The following CTNNA3 variants were observed in gnomAD, a reference collection of about 807,000 sequenced individuals.
CTNNA3 encodes catenin alpha-3.
In CTNNA3, 76 loss-of-function variants were observed where a neutral mutation model predicts 95.7. That is an observed-to-expected ratio of 0.79 (90% confidence interval 0.66 to 0.96). The LOEUF (loss-of-function observed/expected upper bound fraction) is 0.96. CTNNA3 is among the 40% of genes least tolerant of loss of function. CTNNA3 has a pLI of 0.00. For synonymous variants in CTNNA3, 431 were observed against 374.4 expected (o/e 1.15, Z -1.74); for missense variants, 1,191 against 1,089.8 (o/e 1.09, Z -1.31).
At chr10:67,473,043 T>C (rs988774677) in intron 5 of CTNNA3, among the ~76,000 whole-genome samples, 1 of 152,228 alleles carries the variant, frequency 6.6e-6, no homozygotes, top group Non-Finnish European at 1.5e-5. Flanking sequence ...CCTAGTTTCA[T>C]GAATACTTGA....
At chr10:66,771,716 G>A (rs1840093274) in intron 8 of CTNNA3, among the ~76,000 whole-genome samples, 1 of 151,986 alleles carries the variant, frequency 6.6e-6, no homozygotes, top group Admixed American at 6.6e-5. Context: ...TATTGTTTTA[G>A]GAATAAAAAT....
At chr10:67,479,043 C>G (rs2133047110) in intron 5 of CTNNA3, among the ~76,000 whole-genome samples, 1 of 152,178 alleles carries the variant, frequency 6.6e-6, no homozygotes, top group East Asian at 1.9e-4. Context: ...AGGTTTGATT[C>G]AACAAGACTT....
intron 5 of CTNNA3, among the ~76,000 whole-genome samples, chr10:67,471,278 G>C (rs1847812328): frequency 6.6e-6 from 1 of 152,202 alleles, no homozygotes; most frequent in Non-Finnish European, 1.5e-5. Context: ...TGTGTCTAAA[G>C]ATTGCCAAAT....
At chr10:66,452,020 A>G (rs1306582101) in intron 11 of CTNNA3, among the ~76,000 whole-genome samples, 1 of 152,046 alleles carries the variant, frequency 6.6e-6, no homozygotes, top group Non-Finnish European at 1.5e-5. Flanking sequence ...CCTATTTCTG[A>G]ATGGTTCCCT....
At chr10:66,757,326 C>G (rs1241277325) in intron 9 of CTNNA3, among the ~76,000 whole-genome samples, 3 of 152,016 alleles carry the variant, frequency 2.0e-5, no homozygotes, top group Non-Finnish European at 4.4e-5. Context: ...ACAAAATGCC[C>G]TTCGAGTCTA....
In CTNNA3 at chr10:67,249,374, A is replaced by C. The variant is rs114542462; in HGVS notation, c.580-29504T>G. ...TGGAAACCAAAATCTATGATCTTCA[A>C]GTTCTTAACATAAAATGGCATAATA... On this transcript the variant is annotated intron_variant, in intron 5 of 17. Coordinates refer to ENST00000433211, the MANE Select transcript of CTNNA3 (RefSeq NM_013266.4). Among the ~76,000 whole-genome samples the C allele has an allele frequency of 4.8e-3, 726 of 152,286 alleles. 5 individuals are homozygous for C. Among genetic ancestry groups the C allele is most frequent in the African/African-American group, 0.017 (693 of 41,560 alleles).
At chr10:67,606,655 C>T (rs910930590) in intron 3 of CTNNA3, among the ~76,000 whole-genome samples, 1 of 152,044 alleles carries the variant, frequency 6.6e-6, no homozygotes, top group African/African-American at 2.4e-5. Context: ...GGGGACCGAG[C>T]AACTAAAAAG....
At chr10:67,101,387 T>G (rs895148563) in intron 7 of CTNNA3, among the ~76,000 whole-genome samples, 3 of 151,762 alleles carry the variant, frequency 2.0e-5, no homozygotes, top group Non-Finnish European at 2.9e-5. Context: ...TTTTTTCTTT[T>G]GGCAAGATTT....
chr10:66,667,526 T>A (rs777651653), intron 9 of CTNNA3, among the ~76,000 whole-genome samples: 1 of 152,148 alleles, frequency 6.6e-6, no homozygotes, highest in Non-Finnish European at 1.5e-5. Context: ...TTTCCTTACA[T>A]AAAATCCATA....
intron 5 of CTNNA3, among the ~76,000 whole-genome samples, chr10:67,521,575 G>C (rs549787999): frequency 1.1e-4 from 16 of 152,118 alleles, no homozygotes; most frequent in African/African-American, 3.6e-4. Context: ...TCAAAGGGTA[G>C]TTGGATTTTC....
rs558533552 is a variant in CTNNA3 at position 67,682,492 on chromosome 10, C to T, written c.-6+13508G>A. On this transcript the variant is annotated intron_variant, in intron 1 of 17. Coordinates refer to ENST00000433211, the MANE Select transcript of CTNNA3 (RefSeq NM_013266.4). ...ACAAGATATTATTTTCACCAAGCAGCCAAAATTGAAAATTTTTGATATGGT... is the reference window on the plus strand; with the variant it reads ...ACAAGATATTATTTTCACCAAGCAGTCAAAATTGAAAATTTTTGATATGGT... 1.9e-4 allele frequency among the ~76,000 whole-genome samples: 29 copies of T among 152,100 alleles called. 1 individual carries two copies. In the South Asian group the frequency reaches 5.6e-3, roughly 29 times the overall value.
intron 13 of CTNNA3, among the ~76,000 whole-genome samples, chr10:66,262,128 C>A (rs953221996): frequency 2.6e-5 from 4 of 151,926 alleles, no homozygotes; most frequent in Non-Finnish European, 4.4e-5. Flanking sequence ...AGTCAGGAGA[C>A]CTGAATTCTA....
At chr10:67,711,617 T>C (rs938737450) in intron 1 of CTNNA3, among the ~76,000 whole-genome samples, 22 of 152,008 alleles carry the variant, frequency 1.4e-4, no homozygotes, top group African/African-American at 5.1e-4. Context: ...AGTTTTAGGG[T>C]ACATGTGCAC....
At chr10:66,360,868 CT>C (rs1395951452) in intron 12 of CTNNA3, among the ~76,000 whole-genome samples, 1 of 108,144 alleles carries the variant, frequency 9.2e-6, no homozygotes, top group Non-Finnish European at 1.9e-5. Context: ...CTTTCTCTTT[CT>C]TTTTCTTTCT....
chr10:67,384,440 A>G (rs1013307177), intron 5 of CTNNA3, among the ~76,000 whole-genome samples: 1 of 152,236 alleles, frequency 6.6e-6, no homozygotes, highest in Non-Finnish European at 1.5e-5. Context: ...CACTAAATAT[A>G]TGCATTATCT....
At position 67,562,469 on chromosome 10, in the gene CTNNA3, A is replaced by T. The variant is rs4746689; in HGVS notation, c.293-22800T>A. 5.3e-5 allele frequency among the ~76,000 whole-genome samples: 8 copies of T among 151,456 alleles called. No homozygotes were observed. In the South Asian group the frequency reaches 8.3e-4, roughly 16 times the overall value. ...CATGCTAAAAACTCTCAATAAATTA[A>T]GTATTGATGGGACATATCTCAAAAT... On this transcript the variant is annotated intron_variant, in intron 3 of 17. Transcript: ENST00000433211.
intron 7 of CTNNA3, among the ~76,000 whole-genome samples, chr10:67,118,922 A>G (rs1305425354): frequency 6.6e-6 from 1 of 151,956 alleles, no homozygotes; most frequent in Non-Finnish European, 1.5e-5. Flanking sequence ...TTCCGCTGCC[A>G]TTTATCTTTT....
intron 7 of CTNNA3, among the ~76,000 whole-genome samples, chr10:67,124,482 C>T (rs1264110888): frequency 6.6e-6 from 1 of 151,964 alleles, no homozygotes; most frequent in Non-Finnish European, 1.5e-5. Flanking sequence ...TTACATTTGT[C>T]ACATGGAGAA....
intron 13 of CTNNA3, among the ~76,000 whole-genome samples, chr10:66,160,328 T>G (rs892780875): frequency 6.6e-6 from 1 of 152,096 alleles, no homozygotes; most frequent in African/African-American, 2.4e-5. Context: ...CTATGAACTT[T>G]CCTTTTAGCA....
Sources: gnomAD v4.1 joint callset for allele counts (sites outside exome capture counted in the v4.1 genomes callset) on GRCh38, gnomAD v4.1.1 for gene constraint, MANE v1.5 for transcripts, NCBI Gene and HGNC (gene_info 2026-07-23, HGNC 2026-07-21) for gene names.